Variants in KLHL26 observed in about 807,000 individuals in gnomAD.
KLHL26 encodes kelch-like protein 26.
KLHL26 carries 4 observed loss-of-function variants against 7.1 expected under a neutral mutation model. The ratio of observed to expected loss-of-function variants is 0.56; its 90% CI spans 0.28 to 1.28. KLHL26 has a LOEUF of 1.28. KLHL26 is among the 50% of genes most tolerant of loss of function. KLHL26 has a pLI of 0.11. For missense variants in KLHL26, 896 were observed against 924.6 expected, an observed-to-expected ratio of 0.97 and a Z score of 0.40; for synonymous variants, 465 against 414.1, an observed-to-expected ratio of 1.12 and a Z score of -1.49.
intron 2 of KLHL26, 136 bp downstream of exon 2, chr19:18,664,579 G>A (rs920417362): frequency 3.0e-5 from 19 of 631,382 alleles, no homozygotes; most frequent in Non-Finnish European, 4.8e-5. Flanking sequence ...GGCTGGTACC[G>A]GCTGCTCTTT....
intron 1 of KLHL26, among the ~76,000 whole-genome samples, chr19:18,660,140 A>G (rs2052377622): frequency 6.6e-6 from 1 of 152,186 alleles, no homozygotes; most frequent in Non-Finnish European, 1.5e-5. Context: ...TAGCCCTAGC[A>G]CATCCCTGCA....
At position 18,650,300 on chromosome 19, in the gene KLHL26, G is replaced by A. The variant is rs1600690570; in HGVS notation, c.83+13163G>A. 1.3e-5 allele frequency among the ~76,000 whole-genome samples: 2 copies of A among 152,230 alleles called. No homozygotes were observed. Among genetic ancestry groups the A allele is most frequent in the African/African-American group, 2.4e-5 (1 of 41,474 alleles). ...AGAGAGGCATGTGATCACCCAGATCGTCTGAGAGCGGGACATTTTCCCGGA... is the reference window on the plus strand; with the variant it reads ...AGAGAGGCATGTGATCACCCAGATCATCTGAGAGCGGGACATTTTCCCGGA... On this transcript the variant is annotated intron_variant, in intron 1 of 2. Transcript: ENST00000300976. This position sits in a 1 kb window ranked among gnomAD's most constrained non-coding sequence, Gnocchi z 4.2.
intron 1 of KLHL26, 36 bp from the exon 2 acceptor site, chr19:18,664,225 C>A (rs754212861): frequency 1.3e-6 from 2 of 1,556,640 alleles, no homozygotes; most frequent in Admixed American, 1.8e-5. Flanking sequence ...GTGTGTGAAC[C>A]TCTGGGCCAT....
rs1318945308 is a variant in KLHL26, at chr19:18,648,184, C to T, written c.83+11047C>T. Reference sequence around the variant, plus strand: ...AGGAGTTCGAGACCAGCCTGGGCAACATAGTGAGATCCAGTCTCTACTAAA... The same window carrying T: ...AGGAGTTCGAGACCAGCCTGGGCAATATAGTGAGATCCAGTCTCTACTAAA... On this transcript the variant is annotated intron_variant, in intron 1 of 2. Transcript: ENST00000300976. The surrounding 1 kb of genome is among the most constrained non-coding windows in gnomAD (Gnocchi z 4.9). 1.3e-5 allele frequency among the ~76,000 whole-genome samples: 2 copies of T among 152,190 alleles called. No homozygotes were observed. Among genetic ancestry groups the T allele is most frequent in the African/African-American group, 4.8e-5 (2 of 41,438 alleles).
rs1976848051 is a variant in KLHL26 at position 18,648,689 on chromosome 19, A to G, written c.83+11552A>G. On this transcript the variant is annotated intron_variant, in intron 1 of 2. Transcript: ENST00000300976. The surrounding 1 kb of genome is among the most constrained non-coding windows in gnomAD (Gnocchi z 4.9). ...AGCTCCCACAGTCCTTGAGGGCTTC[A>G]GGTCTTCCCACCAGCAGGTCCCAGT... is the stretch of plus-strand genomic sequence containing the variant. Among the ~76,000 whole-genome samples, 1 of 152,166 alleles carries G rather than the reference A, an allele frequency of 6.6e-6. No individual in the cohort carries two copies. Among genetic ancestry groups the G allele is most frequent in the Non-Finnish European group, 1.5e-5 (1 of 68,024 alleles).
At chr19:18,664,612 C>T (rs1362826770) in intron 2 of KLHL26, among the ~76,000 whole-genome samples, 169 bp downstream of exon 2, 1 of 151,566 alleles carries the variant, frequency 6.6e-6, no homozygotes, top group African/African-American at 2.4e-5. Flanking sequence ...GATGGAGTCT[C>T]GCGCTGTTGC....
rs1229107085 is a variant in KLHL26 at position 18,656,349 on chromosome 19, TG to T, written c.84-7911del. ...CCAATTGATCCTCGATTCCGAAACC[TG>T]CCTGCCTGCCCTCCCTGAACTCCCG... is the stretch of plus-strand genomic sequence containing the variant. On this transcript the variant is annotated intron_variant, in intron 1 of 2. Transcript: ENST00000300976. The surrounding 1 kb of genome is among the most constrained non-coding windows in gnomAD (Gnocchi z 4.4). 6.6e-6 allele frequency among the ~76,000 whole-genome samples: 1 copy of T among 152,124 alleles called. No individual in the cohort carries two copies. Among genetic ancestry groups the T allele is most frequent in the African/African-American group, 2.4e-5 (1 of 41,422 alleles).
chr19:18,668,679 G>T lies in KLHL26; in HGVS notation c.1282G>T (p.Ala428Ser). 6.3e-7 allele frequency: 1 copy of T among 1,575,096 alleles called. No individual in the cohort carries two copies. ...CGGCCGCAACCGAGCCGGCAGCCTG[G>T]CCTCCGTGGAGCGGTACTGCCCCCG... ...TGGRNRAGSL[A>S]SVERYCPRRN... is the part of the protein sequence containing the mutation. Residue 428 changes from alanine (A) to serine (S), a missense_variant, in exon 3 of 3, where the codon GCC becomes TCC. By Grantham distance (99) the Ala-to-Ser change is moderately conservative. Transcript: ENST00000300976.
rs1009527227 is a variant in KLHL26, at chr19:18,656,067, A to G, written c.84-8194A>G. ...TCTAGAACACCCCCATGCTCCTGAG[A>G]TGACAGCTTGCAAACCACTGCACCT... On this transcript the variant is annotated intron_variant, in intron 1 of 2. Coordinates refer to ENST00000300976, the MANE Select transcript of KLHL26 (RefSeq NM_018316.3). This position sits in a 1 kb window ranked among gnomAD's most constrained non-coding sequence, Gnocchi z 4.4. 2.0e-5 allele frequency among the ~76,000 whole-genome samples: 3 copies of G among 152,088 alleles called. No individual in the cohort carries two copies. Among genetic ancestry groups the G allele is most frequent in the African/African-American group, 7.2e-5 (3 of 41,406 alleles).
At chr19:18,637,650 C>T (rs1976643498) in intron 1 of KLHL26, among the ~76,000 whole-genome samples, 1 of 107,348 alleles carries the variant, frequency 9.3e-6, no homozygotes, top group African/African-American at 3.6e-5. Flanking sequence ...GTGGGAGGCT[C>T]TGGGTGGGGG....
In KLHL26 at chr19:18,664,272, A is replaced by G. The variant is rs1433349128; in HGVS notation, c.95A>G (p.Lys32Arg). The G allele has an allele frequency of 5.0e-6, 8 of 1,599,360 alleles. No homozygotes were observed. The East Asian group carries it at 1.8e-4, about 36-fold the overall frequency. Residue 32 changes from lysine (K) to arginine (R), a missense_variant, in exon 2 of 3, where the codon AAG (lysine) becomes AGG (arginine). Coordinates refer to ENST00000300976, the MANE Select transcript of KLHL26 (RefSeq NM_018316.3). The stretch of plus-strand genomic sequence containing the variant: ...TGCTTTCCCCGCAGCACGGCCGACA[A>G]GAACGGGGCCCTCAAGTGCACCTTC... ...GPERPNSTAD[K>R]NGALKCTFSA...
chr19:18,667,985 C>A lies in KLHL26; in HGVS notation c.588C>A (p.Ala196=). Residue 196 remains alanine, a synonymous_variant, in exon 3 of 3, where the codon GCC becomes GCA. Transcript: ENST00000300976. Reference sequence around the variant, plus strand: ...CCTTCCGGCACTTCCTGCAGATCGCCGAGGAGGAGGATTTCCTGCGCCTGC... The same window carrying A: ...CCTTCCGGCACTTCCTGCAGATCGCAGAGGAGGAGGATTTCCTGCGCCTGC... ...AFTFRHFLQI[A]EEEDFLRLPL... is the part of the protein sequence containing the mutation. The A allele has an allele frequency of 1.2e-6, 2 of 1,608,244 alleles. No homozygotes were observed. The highest frequency in any genetic ancestry group is 1.7e-6 in the Non-Finnish European group (2 of 1,179,964).
chr19:18,668,888 C>T lies in KLHL26; in HGVS notation c.1491C>T (p.Pro497=), dbSNP rs140940229. The T allele has an allele frequency of 1.3e-6, 2 of 1,599,534 alleles. No homozygotes were observed. Among genetic ancestry groups the T allele is most frequent in the Non-Finnish European group, 1.7e-6 (2 of 1,178,148 alleles). ...AGTTCAAGGCGCCCATGAGCGAACC[C>T]CGCGTGCTACACGCCATGGTGGGTG... The part of the protein sequence containing the change: ...QWEFKAPMSE[P]RVLHAMVGAG... Residue 497 remains proline, a synonymous_variant, in exon 3 of 3, where the codon CCC becomes CCT. Coordinates refer to ENST00000300976, the MANE Select transcript of KLHL26 (RefSeq NM_018316.3).
chr19:18,644,892 G>A (rs1976774201), intron 1 of KLHL26, among the ~76,000 whole-genome samples: 1 of 152,096 alleles, frequency 6.6e-6, no homozygotes, highest in African/African-American at 2.4e-5. Flanking sequence ...CACAACTCAA[G>A]AAACTGTCCC....
intron 1 of KLHL26, among the ~76,000 whole-genome samples, chr19:18,660,190 C>T (rs1241633831): frequency 1.3e-5 from 2 of 152,214 alleles, no homozygotes; most frequent in African/African-American, 2.4e-5. Context: ...GTTGCCAGGG[C>T]AGACCTGGGC....
chr19:18,655,250 CCT>C (rs1264722980), intron 1 of KLHL26, among the ~76,000 whole-genome samples: 5 of 152,214 alleles, frequency 3.3e-5, no homozygotes, highest in Non-Finnish European at 4.4e-5. Flanking sequence ...TTGAAAAGCC[CCT>C]GTCTTGCTCT....
chr19:18,639,946 C>T lies in KLHL26; in HGVS notation c.83+2809C>T, dbSNP rs555982346. 2.0e-5 allele frequency among the ~76,000 whole-genome samples: 3 copies of T among 151,986 alleles called. No individual in the cohort carries two copies. The South Asian group carries it at 6.2e-4, about 32-fold the overall frequency. ...TGTGGCCTTTACGTCTGGTTTCTTTCCTTAACATAATGTTTTTGAAGTTCA... is the reference window on the plus strand; with the variant it reads ...TGTGGCCTTTACGTCTGGTTTCTTTTCTTAACATAATGTTTTTGAAGTTCA... On this transcript the variant is annotated intron_variant, in intron 1 of 2. Coordinates refer to ENST00000300976, the MANE Select transcript of KLHL26 (RefSeq NM_018316.3).
Position 18,664,322 on chromosome 19 carries a change from C to G in KLHL26, c.145C>G (p.Leu49Val), listed in dbSNP as rs749240203. ...CTCGGCACCCAGCCACAGCACCAGC[C>G]TCCTGCAGGGCCTGGCCACCCTCCG... ...TFSAPSHSTS[L>V]LQGLATLRAQ... Residue 49 changes from leucine to valine, a missense_variant, in exon 2 of 3, where the codon CTC becomes GTC. Leu to Val is a conservative substitution (Grantham distance 32). Coordinates refer to ENST00000300976, the MANE Select transcript of KLHL26 (RefSeq NM_018316.3). The G allele has an allele frequency of 3.7e-6, 6 of 1,609,726 alleles. No homozygotes were observed. In the South Asian group the frequency reaches 5.5e-5, roughly 15 times the overall value.
At chr19:18,659,513 G>A (rs1357946661) in intron 1 of KLHL26, among the ~76,000 whole-genome samples, 1 of 152,250 alleles carries the variant, frequency 6.6e-6, no homozygotes, top group East Asian at 1.9e-4. Context: ...GTGAGGGACT[G>A]CGCGCGTCAG....
Sources: allele counts gnomAD v4.1 joint callset (sites outside exome capture counted in the v4.1 genomes callset), GRCh38; gene constraint gnomAD v4.1.1; non-coding constraint Gnocchi (gnomAD v3.1); transcripts MANE v1.5; gene names NCBI Gene and HGNC (gene_info 2026-07-23, HGNC 2026-07-21).